The following MAPK8IP3 variants were observed in gnomAD, a reference collection of about 807,000 sequenced individuals.
MAPK8IP3 encodes mitogen-activated protein kinase 8 interacting protein 3, also known as C-Jun-amino-terminal kinase-interacting protein 3.
Under a neutral mutation model 157.8 loss-of-function variants are expected in MAPK8IP3, and 49 were observed. The ratio of observed to expected loss-of-function variants is 0.31; its 90% CI spans 0.25 to 0.39. The LOEUF (loss-of-function observed/expected upper bound fraction) is 0.39, where lower values mean the gene tolerates loss of function less well. MAPK8IP3 is among the 10% of genes least tolerant of loss of function. The probability of loss-of-function intolerance (pLI) is 1.00; values close to 1 mark genes in which losing one functional copy is unlikely to be tolerated. For synonymous variants in MAPK8IP3, 897 were observed against 777.7 expected, an observed-to-expected ratio of 1.15 and a Z score of -2.55; for missense variants, 1,478 against 1,889.4, an observed-to-expected ratio of 0.78 and a Z score of 4.04.
At chr16:1,723,859 C>A (rs1224316074) in intron 1 of MAPK8IP3, among the ~76,000 whole-genome samples, 1 of 152,158 alleles carries the variant, frequency 6.6e-6, no homozygotes, top group Admixed American at 6.5e-5. Context: ...AAAATGTTTT[C>A]TTTTCACTTG....
In MAPK8IP3 at chr16:1,766,890, C is replaced by G. The variant is rs571119703; in HGVS notation, c.3021-14C>G. ...AGCCTGGCCCAAACCAGGCTCACCG[C>G]ATTCCTGTTTCAGGCATGTCAAAGG... On this transcript the variant is annotated splice_polypyrimidine_tract_variant and intron_variant, in intron 24 of 31. Coordinates refer to ENST00000610761, the MANE Select transcript of MAPK8IP3 (RefSeq NM_001318852.2). 2 of 1,606,168 alleles carry G rather than the reference C, an allele frequency of 1.2e-6. No homozygotes were observed. Among genetic ancestry groups the G allele is most frequent in the African/African-American group, 1.3e-5 (1 of 74,952 alleles).
At chr16:1,721,519 A>G (rs903487425) in intron 1 of MAPK8IP3, among the ~76,000 whole-genome samples, 1 of 151,686 alleles carries the variant, frequency 6.6e-6, no homozygotes, top group Non-Finnish European at 1.5e-5. Flanking sequence ...TGCAGCCCCG[A>G]CCTCCTGGGG....
At chr16:1,738,536 G>C (rs1376937424) in intron 4 of MAPK8IP3, among the ~76,000 whole-genome samples, 1 of 125,236 alleles carries the variant, frequency 8.0e-6, no homozygotes, top group African/African-American at 3.1e-5. Flanking sequence ...CTGTGTGACT[G>C]TCCGTGTGAG....
At chr16:1,737,079 ACCGT>A (rs1230000879) in intron 4 of MAPK8IP3, among the ~76,000 whole-genome samples, 8 of 67,626 alleles carry the variant, frequency 1.2e-4, no homozygotes, top group Admixed American at 6.5e-4. Flanking sequence ...TGAGCGTGTG[ACCGT>A]CCGTGTGAGT....
intron 20 of MAPK8IP3, 41 bp downstream of exon 20, chr16:1,765,219 C>T: frequency 6.4e-7 from 1 of 1,557,754 alleles, no homozygotes; most frequent in Non-Finnish European, 8.7e-7. Context: ...GGCGCCACTC[C>T]CTTTTACTAG....
chr16:1,722,999 C>T (rs547174213), intron 1 of MAPK8IP3, among the ~76,000 whole-genome samples: 1 of 151,770 alleles, frequency 6.6e-6, no homozygotes, highest in South Asian at 2.1e-4. Context: ...CCGTGCCTGG[C>T]CAATTTTTTT....
rs374868740 is a variant in MAPK8IP3, at chr16:1,743,483, T to C, written c.747+7T>C. On this transcript the variant is annotated splice_region_variant and intron_variant, in intron 5 of 31. Coordinates refer to ENST00000610761, the MANE Select transcript of MAPK8IP3 (RefSeq NM_001318852.2). The surrounding 1 kb of genome is among the most constrained non-coding windows in gnomAD (Gnocchi z 5.6). ...GTCCAGCTCCAGCTACCAGGTTTTG[T>C]AGCCGTGCCGTGGAGTGAGAGGCTC... The C allele has an allele frequency of 1.1e-4, 173 of 1,608,188 alleles. No individual in the cohort carries two copies. Among genetic ancestry groups the C allele is most frequent in the Non-Finnish European group, 1.4e-4 (170 of 1,178,734 alleles).
Position 1,768,970 on chromosome 16 carries a change from G to C in MAPK8IP3, c.*146G>C. The C allele has an allele frequency of 3.2e-6, 3 of 934,700 alleles. No individual in the cohort carries two copies. The highest frequency in any genetic ancestry group is 1.6e-5 in the South Asian group (1 of 61,322). 57.9% of individuals were successfully genotyped at this position (934,700 alleles called of 1,614,324 possible). Reference sequence around the variant, plus strand: ...TTCACCTGAGTCTGGCCCCTCCAGCGGGCAGGGAGTGCGGGGATGCGGATC... The same window carrying C: ...TTCACCTGAGTCTGGCCCCTCCAGCCGGCAGGGAGTGCGGGGATGCGGATC... On this transcript the variant is annotated 3_prime_UTR_variant, in exon 32 of 32. Coordinates refer to ENST00000610761, the MANE Select transcript of MAPK8IP3 (RefSeq NM_001318852.2).
In MAPK8IP3 at chr16:1,751,392, G is replaced by A. The variant is rs2041279593; in HGVS notation, c.1216+2672G>A. On this transcript the variant is annotated intron_variant, in intron 8 of 31. Transcript: ENST00000610761. The surrounding 1 kb of genome is among the most constrained non-coding windows in gnomAD (Gnocchi z 5.0). ...AAGAATTGTTTGAACCCAGGAAGCG[G>A]AGATTGCAGTGAGCTGAGATCGCAC... is the stretch of plus-strand genomic sequence containing the variant. Among the ~76,000 whole-genome samples the A allele has an allele frequency of 6.6e-6, 1 of 152,116 alleles. No individual in the cohort carries two copies. The highest frequency in any genetic ancestry group is 1.5e-5 in the Non-Finnish European group (1 of 68,030).
Position 1,706,307 on chromosome 16 carries a change from T to G in MAPK8IP3, c.-33T>G. ...GGGAGGGCCGGGCGCGCCGGCCGGA[T>G]AGCGAGCCGCGCTGGCGGCGGCGGT... On this transcript the variant is annotated 5_prime_UTR_variant, in exon 1 of 32. Transcript: ENST00000610761. This position sits in a 1 kb window ranked among gnomAD's most constrained non-coding sequence, Gnocchi z 5.1. The G allele has an allele frequency of 6.6e-7, 1 of 1,516,528 alleles. No homozygotes were observed. The highest frequency in any genetic ancestry group is 8.8e-7 in the Non-Finnish European group (1 of 1,132,986). The allele number at this position is 1,516,528 out of a possible 1,614,324, so 93.9% of individuals were successfully genotyped here. A position where few individuals can be genotyped will look rare whatever the true frequency, so the allele number is the denominator to read the frequency against.
intron 4 of MAPK8IP3, among the ~76,000 whole-genome samples, chr16:1,737,245 A>ACCGT (rs368703859): frequency 0.031 from 1,829 of 59,850 alleles, 187 homozygotes; most frequent in African/African-American, 0.094. Context: ...CATCCGTGTG[A>ACCGT]CCGTGTGAGC....
rs1337928604 is a variant in MAPK8IP3 at position 1,724,521 on chromosome 16, C to A, written c.319-36C>A. 9 of 1,608,882 alleles carry A rather than the reference C, an allele frequency of 5.6e-6. No individual in the cohort carries two copies. In the South Asian group the frequency reaches 9.9e-5, roughly 18 times the overall value. The stretch of plus-strand genomic sequence containing the variant: ...GAAAGGCGGCTGCTCCACACTCACT[C>A]CTGATGACTGCTCTTTCCCTCCCTT... On this transcript the variant is annotated intron_variant, in intron 1 of 31. Transcript: ENST00000610761. This position sits in a 1 kb window ranked among gnomAD's most constrained non-coding sequence, Gnocchi z 4.1.
intron 1 of MAPK8IP3, chr16:1,713,501 C>T (rs2142281957): frequency 6.6e-6 from 1 of 152,268 alleles, no homozygotes; most frequent in East Asian, 1.9e-4. Context: ...TACTCAGCTT[C>T]ATGCAAGAAA....
At position 1,706,719 on chromosome 16, in the gene MAPK8IP3, CGG is replaced by C; in HGVS notation, c.318+63_318+64del. On this transcript the variant is annotated intron_variant, in intron 1 of 31. Coordinates refer to ENST00000610761, the MANE Select transcript of MAPK8IP3 (RefSeq NM_001318852.2). This position sits in a 1 kb window ranked among gnomAD's most constrained non-coding sequence, Gnocchi z 5.1. ...CGGACCCCCAGCCAGCCCCGGGCCCCGGACCCAACACCCGTCCCGACCCCAGA... is the reference window on the plus strand; with the variant it reads ...CGGACCCCCAGCCAGCCCCGGGCCCCACCCAACACCCGTCCCGACCCCAGA... The C allele has an allele frequency of 1.3e-5, 19 of 1,464,822 alleles. No individual in the cohort carries two copies. Among genetic ancestry groups the C allele is most frequent in the Non-Finnish European group, 1.7e-5 (19 of 1,104,414 alleles). The allele number at this position is 1,464,822 out of a possible 1,614,324, so 90.7% of individuals were successfully genotyped here. A position where few individuals can be genotyped will look rare whatever the true frequency, so the allele number is the denominator to read the frequency against.
chr16:1,763,366 G>A (rs997378957), intron 16 of MAPK8IP3, among the ~76,000 whole-genome samples: 5 of 152,258 alleles, frequency 3.3e-5, no homozygotes, highest in African/African-American at 4.8e-5. Context: ...TCCAGGTCCC[G>A]GTCTGTGGAA....
At position 1,762,714 on chromosome 16, in the gene MAPK8IP3, G is replaced by A. The variant is rs2042023385; in HGVS notation, c.1710G>A (p.Lys570=). The A allele has an allele frequency of 2.5e-6, 4 of 1,574,398 alleles. No individual in the cohort carries two copies. The highest frequency in any genetic ancestry group is 1.8e-5 in the Admixed American group (1 of 56,046). ...ACCCATCCGTCCAGGAGAAGAAGAA[G>A]TCGACCATCTGGCAGTTGTAAGCTG... ...REHPSVQEKK[K]STIWQFFSRL... The change falls in exon 15 of 32, where the codon AAG becomes AAA. Residue 570 remains lysine, a synonymous_variant. Transcript: ENST00000610761.
At chr16:1,727,134 C>T (rs984944640) in intron 2 of MAPK8IP3, among the ~76,000 whole-genome samples, 2 of 148,580 alleles carry the variant, frequency 1.3e-5, no homozygotes, top group South Asian at 2.1e-4. Flanking sequence ...GTGCTGTGTG[C>T]GGCACCTGAG....
chr16:1,708,185 G>T lies in MAPK8IP3; in HGVS notation c.318+1528G>T, dbSNP rs550365167. Among the ~76,000 whole-genome samples the T allele has an allele frequency of 3.9e-5, 6 of 152,340 alleles. No homozygotes were observed. In the South Asian group the frequency reaches 1.2e-3, roughly 32 times the overall value. ...GAAACTTGTCCTGAGAAGTGGAGGG[G>T]CTGAACCAAGGTCACCCACCCCAGA... On this transcript the variant is annotated intron_variant, in intron 1 of 31. Transcript: ENST00000610761.
chr16:1,767,390 C>T lies in MAPK8IP3; in HGVS notation c.3237+93C>T, dbSNP rs2042335208. 10 of 1,556,742 alleles carry T rather than the reference C, an allele frequency of 6.4e-6. No individual in the cohort carries two copies. In the South Asian group the frequency reaches 8.2e-5, roughly 13 times the overall value. ...CCATACGGAAGTCCACGAGGCCCTA[C>T]GTGGGTCCCATCTCCCCTGTACCAC... On this transcript the variant is annotated intron_variant, in intron 26 of 31. Coordinates refer to ENST00000610761, the MANE Select transcript of MAPK8IP3 (RefSeq NM_001318852.2).
Sources: allele counts gnomAD v4.1 joint callset (sites outside exome capture counted in the v4.1 genomes callset), GRCh38; gene constraint gnomAD v4.1.1; non-coding constraint Gnocchi (gnomAD v3.1); transcripts MANE v1.5; gene names NCBI Gene and HGNC (gene_info 2026-07-23, HGNC 2026-07-21).